Variants in ERC2 observed in about 807,000 individuals in gnomAD.
ERC2 encodes ERC protein 2.
A neutral mutation model predicts 114.8 loss-of-function variants in ERC2; 42 were observed. The observed-to-expected ratio is 0.37, with a 90% CI of 0.29 to 0.47. The LOEUF (loss-of-function observed/expected upper bound fraction) is 0.47. ERC2 is among the 20% of genes least tolerant of loss of function. The probability of loss-of-function intolerance (pLI) is 0.99; values close to 1 mark genes in which losing one functional copy is unlikely to be tolerated. For missense variants in ERC2, 939 were observed against 1,150.7 expected (o/e 0.82, Z 2.66); for synonymous variants, 454 against 425.5 (o/e 1.07, Z -0.82).
At chr3:56,401,870 G>A (rs1382502428) in intron 2 of ERC2, among the ~76,000 whole-genome samples, 4 of 152,140 alleles carry the variant, frequency 2.6e-5, no homozygotes, top group East Asian at 1.9e-4. Flanking sequence ...ATACATACCC[G>A]AGACTGGGTA....
chr3:56,433,195 AGAG>A (rs2061871280), intron 2 of ERC2, among the ~76,000 whole-genome samples: 1 of 3,876 alleles, frequency 2.6e-4, no homozygotes, highest in Non-Finnish European at 6.2e-4. Context: ...AAAAAAAAAG[AGAG>A]AGAGAGAGAG....
chr3:55,998,287 A>G (rs1423320666), intron 10 of ERC2, among the ~76,000 whole-genome samples: 1 of 152,024 alleles, frequency 6.6e-6, no homozygotes, highest in Admixed American at 6.6e-5. Flanking sequence ...GAACAACTGT[A>G]TGCTTAATAC....
In ERC2 at chr3:55,682,445, A is replaced by G. The variant is rs2062102873; in HGVS notation, c.*39+1349T>C. Among the ~76,000 whole-genome samples the G allele has an allele frequency of 2.0e-5, 3 of 152,116 alleles. No homozygotes were observed. In the South Asian group the frequency reaches 6.2e-4, roughly 31 times the overall value. ...TCTTTACTATGTAGAAAGATGTCGT[A>G]CCTGAAAACCACCATCCTGTGAACT... On this transcript the variant is annotated intron_variant, in intron 17 of 17. Coordinates refer to ENST00000288221, the MANE Select transcript of ERC2 (RefSeq NM_015576.3).
chr3:56,159,435 C>T (rs2081934056), intron 4 of ERC2, among the ~76,000 whole-genome samples: 1 of 152,144 alleles, frequency 6.6e-6, no homozygotes, highest in Non-Finnish European at 1.5e-5. Flanking sequence ...AACCTTTTTA[C>T]ACATTAAGAA....
At chr3:55,770,761 A>G (rs1196261731) in intron 14 of ERC2, among the ~76,000 whole-genome samples, 1 of 152,074 alleles carries the variant, frequency 6.6e-6, no homozygotes, top group East Asian at 1.9e-4. Context: ...CTCGTTATCT[A>G]TATTAGGTAT....
intron 14 of ERC2, among the ~76,000 whole-genome samples, chr3:55,837,206 G>A (rs1464466995): frequency 2.6e-5 from 4 of 152,126 alleles, no homozygotes; most frequent in Admixed American, 6.5e-5. Context: ...GTGTTCCTCA[G>A]GGATCTAGAA....
At chr3:56,159,612 G>C (rs11708122) in intron 4 of ERC2, among the ~76,000 whole-genome samples, 1 of 152,130 alleles carries the variant, frequency 6.6e-6, no homozygotes, top group Non-Finnish European at 1.5e-5. Flanking sequence ...CCATAACCCA[G>C]GCATTAAGCA....
chr3:56,440,360 G>A (rs1046470365), intron 1 of ERC2, among the ~76,000 whole-genome samples: 7 of 152,068 alleles, frequency 4.6e-5, no homozygotes, highest in Admixed American at 1.3e-4. Context: ...TGGCTAACAC[G>A]GTGAAACCCC....
chr3:56,215,745 A>C (rs1308836901), intron 3 of ERC2, among the ~76,000 whole-genome samples: 1 of 152,240 alleles, frequency 6.6e-6, no homozygotes, highest in African/African-American at 2.4e-5. Context: ...AGTTGGAAGT[A>C]AAGCACTCCT....
At chr3:56,069,317 G>GT (rs2076621602) in intron 7 of ERC2, among the ~76,000 whole-genome samples, 1 of 152,160 alleles carries the variant, frequency 6.6e-6, no homozygotes, top group Non-Finnish European at 1.5e-5. Flanking sequence ...TCCATGAGAG[G>GT]TTTGGGAACT....
chr3:55,685,306 A>AT (rs2062269659), intron 16 of ERC2, among the ~76,000 whole-genome samples: 1 of 152,164 alleles, frequency 6.6e-6, no homozygotes, highest in Non-Finnish European at 1.5e-5. Context: ...CTCAGTATGA[A>AT]TTTTCACTTG....
chr3:55,867,161 C>T (rs1456481746), intron 14 of ERC2, among the ~76,000 whole-genome samples: 1 of 151,670 alleles, frequency 6.6e-6, no homozygotes, highest in African/African-American at 2.4e-5. Context: ...AAGTCCCTTC[C>T]TTTCCTTCCT....
At chr3:56,424,153 T>C (rs1435818097) in intron 2 of ERC2, among the ~76,000 whole-genome samples, 3 of 152,178 alleles carry the variant, frequency 2.0e-5, no homozygotes, top group African/African-American at 7.2e-5. Context: ...ACAGTGAATA[T>C]TTTGGGGGTG....
chr3:55,969,751 A>G (rs1202855371), intron 12 of ERC2, among the ~76,000 whole-genome samples: 1 of 152,240 alleles, frequency 6.6e-6, no homozygotes, highest in African/African-American at 2.4e-5. Context: ...TTTGATCATT[A>G]GATCTAGTTT....
chr3:55,518,061 G>A (rs2052655125), intron 17 of ERC2, among the ~76,000 whole-genome samples: 2 of 152,032 alleles, frequency 1.3e-5, no homozygotes, highest in African/African-American at 4.8e-5. Context: ...ATGTTTAGCA[G>A]CATGCCAAGC....
At chr3:56,011,839 T>C (rs913252285) in intron 8 of ERC2, among the ~76,000 whole-genome samples, 12 of 152,164 alleles carry the variant, frequency 7.9e-5, no homozygotes, top group African/African-American at 2.9e-4. Context: ...ATAAGACAAC[T>C]GTAAAATAGT....
intron 3 of ERC2, among the ~76,000 whole-genome samples, chr3:56,210,046 G>A (rs189682777): frequency 6.6e-6 from 1 of 152,076 alleles, no homozygotes; most frequent in Non-Finnish European, 1.5e-5. Flanking sequence ...ATCATCAGTG[G>A]GAGATATGTA....
At chr3:55,693,473 A>C (rs1010205926) in intron 16 of ERC2, among the ~76,000 whole-genome samples, 1 of 152,146 alleles carries the variant, frequency 6.6e-6, no homozygotes, top group African/African-American at 2.4e-5. Flanking sequence ...GACCCAGAGC[A>C]GTTCCCCTCC....
intron 14 of ERC2, among the ~76,000 whole-genome samples, chr3:55,857,915 C>T (rs532164452): frequency 6.6e-6 from 1 of 152,172 alleles, no homozygotes; most frequent in South Asian, 2.1e-4. Context: ...AGCCATCCAA[C>T]CAAATCTAGG....
Sources: gnomAD v4.1 joint callset for allele counts (sites outside exome capture counted in the v4.1 genomes callset) on GRCh38, gnomAD v4.1.1 for gene constraint, MANE v1.5 for transcripts, NCBI Gene and HGNC (gene_info 2026-07-23, HGNC 2026-07-21) for gene names.